Variants in RALGPS1 observed in about 807,000 individuals in gnomAD.
RALGPS1 encodes ras-specific guanine nucleotide-releasing factor RalGPS1.
Under a neutral mutation model 78.8 loss-of-function variants are expected in RALGPS1, and 19 were observed. That is an observed-to-expected ratio of 0.24 (90% CI 0.17 to 0.35). RALGPS1 has a LOEUF of 0.35. Ranked by LOEUF, RALGPS1 falls within the 10% of genes least tolerant of loss-of-function variation. RALGPS1 has a pLI of 1.00. For missense variants in RALGPS1, 454 were observed against 688.3 expected, an observed-to-expected ratio of 0.66 and a Z score of 3.81; for synonymous variants, 228 against 256.3, an observed-to-expected ratio of 0.89 and a Z score of 1.06.
chr9:127,091,534 AACAG>A lies in RALGPS1; in HGVS notation c.610+22179_610+22182del. 1 of 1,226,122 alleles carries A rather than the reference AACAG, an allele frequency of 8.2e-7. No individual in the cohort carries two copies. The highest frequency in any genetic ancestry group is 1.1e-6 in the Non-Finnish European group (1 of 882,760). 76.0% of individuals were successfully genotyped at this position (1,226,122 alleles called of 1,614,324 possible). A position where few individuals can be genotyped will look rare whatever the true frequency, so the allele number is the denominator to read the frequency against. ...GGAGAAGGGACCCTCAGGGGGTGGTAACAGGGTCAGGCAGCTTGGCCCAGCTGCT... is the reference window on the plus strand; with the variant it reads ...GGAGAAGGGACCCTCAGGGGGTGGTAGGTCAGGCAGCTTGGCCCAGCTGCT... On this transcript the variant is annotated intron_variant, in intron 8 of 18. Coordinates refer to ENST00000259351, the MANE Select transcript of RALGPS1 (RefSeq NM_014636.3). This position sits in a 1 kb window ranked among gnomAD's most constrained non-coding sequence, Gnocchi z 4.3.
At chr9:127,156,458 A>C (rs549377709) in intron 8 of RALGPS1, among the ~76,000 whole-genome samples, 1 of 152,308 alleles carries the variant, frequency 6.6e-6, no homozygotes, top group African/African-American at 2.4e-5. Flanking sequence ...ATCGATTTTT[A>C]AGAACTTTGT....
intron 1 of RALGPS1, among the ~76,000 whole-genome samples, chr9:126,958,986 A>G (rs1380206123): frequency 6.0e-5 from 9 of 150,510 alleles, no homozygotes; most frequent in Non-Finnish European, 8.9e-5. Flanking sequence ...GGTAGGTGTG[A>G]TGTGGTATCT....
chr9:126,997,987 A>C (rs1267407299), intron 4 of RALGPS1, among the ~76,000 whole-genome samples: 1 of 152,246 alleles, frequency 6.6e-6, no homozygotes, highest in Non-Finnish European at 1.5e-5. Context: ...CTGAAACTGG[A>C]TCCCTTCCTT....
chr9:127,222,390 G>A lies in RALGPS1; in HGVS notation c.*3621G>A, dbSNP rs2062795349. On this transcript the variant is annotated 3_prime_UTR_variant, in exon 19 of 19. Coordinates refer to ENST00000259351, the MANE Select transcript of RALGPS1 (RefSeq NM_014636.3). Reference sequence around the variant, plus strand: ...CAGAAGAGCCAGGCACAGAGCTGCAGTTGGGCACGCCAAGGATTCCAAAGG... The same window carrying A: ...CAGAAGAGCCAGGCACAGAGCTGCAATTGGGCACGCCAAGGATTCCAAAGG... 1 of 152,254 alleles carries A rather than the reference G, an allele frequency of 6.6e-6. No individual in the cohort carries two copies. Among genetic ancestry groups the A allele is most frequent in the Non-Finnish European group, 1.5e-5 (1 of 68,050 alleles). 9.4% of individuals were successfully genotyped at this position (152,254 alleles called of 1,614,324 possible).
At chr9:127,026,207 T>A (rs1051905975) in intron 4 of RALGPS1, among the ~76,000 whole-genome samples, 1 of 152,144 alleles carries the variant, frequency 6.6e-6, no homozygotes, top group African/African-American at 2.4e-5. Context: ...GCAGGAAGCA[T>A]CCAGCATGGG....
At chr9:127,092,420 C>A (rs2052595792) in intron 8 of RALGPS1, among the ~76,000 whole-genome samples, 1 of 152,100 alleles carries the variant, frequency 6.6e-6, no homozygotes, top group Non-Finnish European at 1.5e-5. Context: ...GCGCTCCCCT[C>A]TAGGTCTAAA....
At chr9:127,165,927 G>A in intron 8 of RALGPS1, 142 bp from the exon 9 acceptor site, 2 of 1,274,444 alleles carry the variant, frequency 1.6e-6, no homozygotes, top group Non-Finnish European at 2.1e-6. Flanking sequence ...TAGTAATCAG[G>A]ATTGGAATTA....
At chr9:127,172,517 C>T (rs752538950) in intron 10 of RALGPS1, among the ~76,000 whole-genome samples, 7 of 152,326 alleles carry the variant, frequency 4.6e-5, no homozygotes, top group Admixed American at 6.5e-5. Context: ...TGTGCCATTT[C>T]GTGGCTTCTC....
At chr9:127,150,515 C>T (rs893452640) in intron 8 of RALGPS1, among the ~76,000 whole-genome samples, 2 of 152,254 alleles carry the variant, frequency 1.3e-5, no homozygotes, top group Non-Finnish European at 2.9e-5. Context: ...CCCACCCACA[C>T]AGCTGCATCA....
intron 6 of RALGPS1, among the ~76,000 whole-genome samples, chr9:127,050,933 C>T (rs558715694): frequency 8.3e-4 from 127 of 152,300 alleles, no homozygotes; most frequent in African/African-American, 3.0e-3. Flanking sequence ...TTACTGACCT[C>T]ATCATATTCA....
chr9:127,111,752 A>G (rs1040628768), intron 8 of RALGPS1, among the ~76,000 whole-genome samples: 8 of 152,228 alleles, frequency 5.3e-5, no homozygotes, highest in African/African-American at 1.9e-4. Context: ...AGGTGAGGAA[A>G]CTGAGACTCA....
chr9:127,137,006 T>C (rs1481461227), intron 8 of RALGPS1, among the ~76,000 whole-genome samples: 1 of 152,058 alleles, frequency 6.6e-6, no homozygotes, highest in Non-Finnish European at 1.5e-5. Context: ...ATGACCCATG[T>C]CAGAGATTTT....
chr9:126,953,879 T>C (rs2082858706), intron 1 of RALGPS1, among the ~76,000 whole-genome samples: 1 of 152,222 alleles, frequency 6.6e-6, no homozygotes, highest in Admixed American at 6.5e-5. Flanking sequence ...TCTTATTTGC[T>C]GCTGTGTCCC....
At chr9:126,926,816 C>T (rs1181360465) in intron 1 of RALGPS1, among the ~76,000 whole-genome samples, 1 of 151,878 alleles carries the variant, frequency 6.6e-6, no homozygotes, top group Non-Finnish European at 1.5e-5. Flanking sequence ...AAGGCAGGTT[C>T]AAAAGAAACT....
chr9:127,043,188 G>A (rs750974112), intron 5 of RALGPS1, among the ~76,000 whole-genome samples: 2 of 152,090 alleles, frequency 1.3e-5, no homozygotes, highest in African/African-American at 2.4e-5. Context: ...AATAAAATTG[G>A]AAGACTCACT....
Position 126,916,783 on chromosome 9 carries a change from C to A in RALGPS1, c.-66+1808C>A, listed in dbSNP as rs1200852263. 2.0e-5 allele frequency among the ~76,000 whole-genome samples: 3 copies of A among 152,198 alleles called. No individual in the cohort carries two copies. In the South Asian group the frequency reaches 6.2e-4, roughly 32 times the overall value. On this transcript the variant is annotated intron_variant, in intron 1 of 18. Coordinates refer to ENST00000259351, the MANE Select transcript of RALGPS1 (RefSeq NM_014636.3). Reference sequence around the variant, plus strand: ...GCGATGGAGTGAGACTTTTCCATCTCAAAACACACAAAAATCCCCAAAAGA... The same window carrying A: ...GCGATGGAGTGAGACTTTTCCATCTAAAAACACACAAAAATCCCCAAAAGA...
intron 8 of RALGPS1, chr9:127,108,680 C>T (rs2054506080): frequency 6.2e-7 from 1 of 1,613,416 alleles, no homozygotes; most frequent in Non-Finnish European, 8.5e-7. Flanking sequence ...GCAACAGCTC[C>T]CATGGCAGCC....
chr9:127,127,004 A>T (rs1007931888), intron 8 of RALGPS1, among the ~76,000 whole-genome samples: 1 of 152,248 alleles, frequency 6.6e-6, no homozygotes, highest in Non-Finnish European at 1.5e-5. Context: ...TCTAGCAGGC[A>T]GTTAAATTAC....
chr9:127,184,383 T>C (rs2060498513), intron 11 of RALGPS1: 1 of 297,038 alleles, frequency 3.4e-6, no homozygotes. Flanking sequence ...AGCTCTTGGC[T>C]GACAGCGAGA....
Sources: allele counts gnomAD v4.1 joint callset (sites outside exome capture counted in the v4.1 genomes callset), GRCh38; gene constraint gnomAD v4.1.1; non-coding constraint Gnocchi (gnomAD v3.1); transcripts MANE v1.5; gene names NCBI Gene and HGNC (gene_info 2026-07-23, HGNC 2026-07-21).